HTR7: variants seen among roughly 807,000 people sequenced by gnomAD.
HTR7 encodes 5-hydroxytryptamine receptor 7.
In HTR7, 16 loss-of-function variants were observed where a neutral mutation model predicts 34.0. The observed-to-expected ratio is 0.47, with a 90% CI of 0.32 to 0.71. The LOEUF is 0.71. Ranked by LOEUF, HTR7 falls within the 30% of genes least tolerant of loss-of-function variation. The pLI is 0.04. For synonymous variants in HTR7, 265 were observed against 260.2 expected (o/e 1.02, Z -0.18); for missense variants, 504 against 625.5 (o/e 0.81, Z 2.07).
At chr10:90,851,713 T>C (rs1316209181) in intron 1 of HTR7, among the ~76,000 whole-genome samples, 3 of 151,948 alleles carry the variant, frequency 2.0e-5, no homozygotes, top group Non-Finnish European at 4.4e-5. Context: ...ATGGTTTGGC[T>C]GTGTCCCCAA....
In HTR7 at chr10:90,794,291, C is replaced by T. The variant is rs188957706; in HGVS notation, c.540-44697G>A. On this transcript the variant is annotated intron_variant, in intron 1 of 3. Coordinates refer to ENST00000336152, the MANE Select transcript of HTR7 (RefSeq NM_019859.4). ...ACATACAAGGAGCCGTCATCTCTTG[C>T]GATAAAAAATAGCTCCTTCTTGAAT... 2.6e-3 allele frequency among the ~76,000 whole-genome samples: 399 copies of T among 152,208 alleles called. 3 individuals carry two copies. Among genetic ancestry groups the T allele is most frequent in the Admixed American group, 4.3e-3 (66 of 15,292 alleles).
intron 1 of HTR7, among the ~76,000 whole-genome samples, chr10:90,834,390 G>T (rs1846223694): frequency 6.6e-6 from 1 of 151,816 alleles, no homozygotes; most frequent in Non-Finnish European, 1.5e-5. Flanking sequence ...AATTCGGGGG[G>T]TGGGGGAAAT....
chr10:90,743,546 C>T, intron 3 of HTR7, 47 bp downstream of exon 3: 3 of 1,432,996 alleles, frequency 2.1e-6, no homozygotes, highest in Non-Finnish European at 3.0e-6. Flanking sequence ...CTGAATTCCT[C>T]CAGACCACAG....
At chr10:90,815,707 T>C (rs1845889407) in intron 1 of HTR7, among the ~76,000 whole-genome samples, 1 of 151,968 alleles carries the variant, frequency 6.6e-6, no homozygotes, top group Non-Finnish European at 1.5e-5. Flanking sequence ...ACATCCTGCA[T>C]ATGTACTCCT....
At chr10:90,780,187 C>A (rs903644936) in intron 1 of HTR7, among the ~76,000 whole-genome samples, 18 of 152,094 alleles carry the variant, frequency 1.2e-4, no homozygotes, top group African/African-American at 4.1e-4. Context: ...TCAAGACCAG[C>A]CTGGGTGACA....
At chr10:90,755,386 T>A (rs1844819440) in intron 1 of HTR7, among the ~76,000 whole-genome samples, 1 of 152,194 alleles carries the variant, frequency 6.6e-6, no homozygotes, top group African/African-American at 2.4e-5. Context: ...CAAAAAGAAA[T>A]ATAACATTTT....
At chr10:90,764,443 T>C (rs576050596) in intron 1 of HTR7, among the ~76,000 whole-genome samples, 4 of 152,182 alleles carry the variant, frequency 2.6e-5, no homozygotes, top group Non-Finnish European at 4.4e-5. Context: ...TTTCAGATAG[T>C]TTGTTATTAC....
At chr10:90,760,606 G>A (rs1844919796) in intron 1 of HTR7, among the ~76,000 whole-genome samples, 2 of 152,138 alleles carry the variant, frequency 1.3e-5, no homozygotes, top group Non-Finnish European at 2.9e-5. Flanking sequence ...TGGGCTGGAC[G>A]CACTGGCTCA....
intron 1 of HTR7, among the ~76,000 whole-genome samples, chr10:90,854,321 T>G (rs1427999525): frequency 6.6e-6 from 1 of 152,104 alleles, no homozygotes; most frequent in African/African-American, 2.4e-5. Context: ...ACCACTGCAC[T>G]CCAGCCTGGG....
At chr10:90,762,413 G>GT (rs1313415855) in intron 1 of HTR7, among the ~76,000 whole-genome samples, 1 of 152,146 alleles carries the variant, frequency 6.6e-6, no homozygotes, top group African/African-American at 2.4e-5. Context: ...TCATGTACCT[G>GT]TTGTCCATAT....
intron 1 of HTR7, among the ~76,000 whole-genome samples, chr10:90,818,849 T>TC (rs1371920582): frequency 1.3e-5 from 2 of 152,182 alleles, no homozygotes; most frequent in African/African-American, 4.8e-5. Context: ...GCAGACTTCC[T>TC]CCCTTGCTGT....
chr10:90,838,741 C>T (rs1202990632), intron 1 of HTR7, among the ~76,000 whole-genome samples: 1 of 152,196 alleles, frequency 6.6e-6, no homozygotes, highest in African/African-American at 2.4e-5. Context: ...CTGCCTTTGC[C>T]TAGAAAGTTC....
intron 1 of HTR7, among the ~76,000 whole-genome samples, chr10:90,790,310 C>A (rs1655032292): frequency 6.6e-6 from 1 of 152,162 alleles, no homozygotes; most frequent in Admixed American, 6.5e-5. Flanking sequence ...TTGCTTTTTT[C>A]TGGAGCCCTC....
At chr10:90,798,509 G>A (rs1350060503) in intron 1 of HTR7, among the ~76,000 whole-genome samples, 1 of 152,136 alleles carries the variant, frequency 6.6e-6, no homozygotes, top group Non-Finnish European at 1.5e-5. Context: ...GAGCCCAAGA[G>A]TTCAAGGCCA....
chr10:90,829,339 C>T (rs538214952), intron 1 of HTR7, among the ~76,000 whole-genome samples: 5 of 152,266 alleles, frequency 3.3e-5, no homozygotes, highest in African/African-American at 4.8e-5. Context: ...ATCTAGAACA[C>T]GATAAGGATC....
intron 1 of HTR7, among the ~76,000 whole-genome samples, chr10:90,838,795 A>T (rs1453969496): frequency 6.6e-6 from 1 of 152,136 alleles, no homozygotes; most frequent in Non-Finnish European, 1.5e-5. Flanking sequence ...TGTCATTTAC[A>T]TCTCAGTTAC....
At chr10:90,800,395 T>C (rs959046875) in intron 1 of HTR7, among the ~76,000 whole-genome samples, 4 of 152,114 alleles carry the variant, frequency 2.6e-5, no homozygotes, top group Admixed American at 6.6e-5. Flanking sequence ...AGAGAAACCT[T>C]GGAAGCTGAG....
chr10:90,826,334 T>C (rs564319261), intron 1 of HTR7, among the ~76,000 whole-genome samples: 134 of 152,252 alleles, frequency 8.8e-4, no homozygotes, highest in Non-Finnish European at 1.6e-3. Flanking sequence ...AGCAGACCTG[T>C]CCTACAAGTA....
At chr10:90,806,571 C>T (rs1338967895) in intron 1 of HTR7, among the ~76,000 whole-genome samples, 2 of 151,656 alleles carry the variant, frequency 1.3e-5, no homozygotes, top group African/African-American at 4.9e-5. Flanking sequence ...TGCACTCCAG[C>T]CTGGGCGACA....
Sources: allele counts gnomAD v4.1 joint callset (sites outside exome capture counted in the v4.1 genomes callset), GRCh38; gene constraint gnomAD v4.1.1; transcripts MANE v1.5; gene names NCBI Gene and HGNC (gene_info 2026-07-23, HGNC 2026-07-21).